Variants in STK3 observed in about 807,000 individuals in gnomAD.
STK3 encodes the protein serine/threonine-protein kinase 3.
Under a neutral mutation model 58.0 loss-of-function variants are expected in STK3, and 41 were observed. The observed-to-expected ratio is 0.71, with a 90% CI of 0.55 to 0.92. The LOEUF (loss-of-function observed/expected upper bound fraction) is 0.92. STK3 is among the 40% of genes least tolerant of loss of function. The pLI is 0.00. For synonymous variants in STK3, 170 were observed against 191.0 expected (o/e 0.89, Z 0.91); for missense variants, 479 against 602.7 (o/e 0.79, Z 2.15).
chr8:98,615,119 C>T (rs1337453623), intron 6 of STK3, among the ~76,000 whole-genome samples: 2 of 151,738 alleles, frequency 1.3e-5, no homozygotes, highest in African/African-American at 4.8e-5. Context: ...GATCTGAGAA[C>T]GGGCAGACTA....
chr8:98,528,168 C>G (rs1563704825), intron 9 of STK3, among the ~76,000 whole-genome samples: 1 of 152,134 alleles, frequency 6.6e-6, no homozygotes, highest in Admixed American at 6.5e-5. Context: ...TAGCAGCCTC[C>G]AAACTAGTCT....
intron 10 of STK3, among the ~76,000 whole-genome samples, chr8:98,475,355 A>G (rs1821227906): frequency 6.6e-6 from 1 of 152,200 alleles, no homozygotes; most frequent in African/African-American, 2.4e-5. Flanking sequence ...TAGAACATCC[A>G]TTGTTATACA....
At chr8:98,904,854 G>A (rs1293091727) in intron 1 of STK3, 1 of 673,138 alleles carries the variant, frequency 1.5e-6, no homozygotes, top group Non-Finnish European at 2.8e-6. Flanking sequence ...TCTGTCTTAG[G>A]GATTAGCAGA....
chr8:98,474,286 C>T (rs1023988563), intron 10 of STK3, among the ~76,000 whole-genome samples: 1 of 152,180 alleles, frequency 6.6e-6, no homozygotes, highest in Non-Finnish European at 1.5e-5. Context: ...CTCCATACAG[C>T]AGCCAGAATT....
At chr8:98,819,707 T>TTA (rs1172288541) in intron 1 of STK3, among the ~76,000 whole-genome samples, 1 of 152,202 alleles carries the variant, frequency 6.6e-6, no homozygotes, top group Admixed American at 6.5e-5. Context: ...TTTTAAGAGT[T>TTA]CTTAGAGTTC....
At chr8:98,743,497 T>G (rs1329891298) in intron 4 of STK3, among the ~76,000 whole-genome samples, 1 of 152,182 alleles carries the variant, frequency 6.6e-6, no homozygotes, top group Non-Finnish European at 1.5e-5. Context: ...GGATTCCCTA[T>G]TTAATAAATG....
intron 6 of STK3, among the ~76,000 whole-genome samples, chr8:98,677,029 T>C (rs1173651398): frequency 6.6e-6 from 1 of 152,220 alleles, no homozygotes; most frequent in African/African-American, 2.4e-5. Context: ...TGCTTGATAC[T>C]GCTTCTGCAT....
chr8:98,839,869 T>TA (rs1010177668), intron 3 of STK3, among the ~76,000 whole-genome samples: 1 of 151,728 alleles, frequency 6.6e-6, no homozygotes, highest in Non-Finnish European at 1.5e-5. Flanking sequence ...AACTCAAAAG[T>TA]AAAAAAAATA....
At chr8:98,493,328 T>TA (rs971777285) in intron 10 of STK3, among the ~76,000 whole-genome samples, 2 of 152,086 alleles carry the variant, frequency 1.3e-5, no homozygotes, top group African/African-American at 4.8e-5. Flanking sequence ...CTTTAACTAT[T>TA]ATATCTCTTC....
At chr8:98,561,863 C>T (rs1337850587) in intron 8 of STK3, among the ~76,000 whole-genome samples, 2 of 152,018 alleles carry the variant, frequency 1.3e-5, no homozygotes, top group African/African-American at 4.8e-5. Context: ...AAATATTGAA[C>T]ATACACTTTG....
intron 3 of STK3, among the ~76,000 whole-genome samples, chr8:98,844,973 A>G (rs556881701): frequency 6.6e-6 from 1 of 152,334 alleles, no homozygotes; most frequent in East Asian, 1.9e-4. Context: ...AAAAACTGAC[A>G]ATGGTTGGAG....
chr8:98,916,018 T>C (rs900553081), intron 1 of STK3, among the ~76,000 whole-genome samples: 4 of 152,060 alleles, frequency 2.6e-5, no homozygotes, highest in African/African-American at 9.7e-5. Flanking sequence ...CTTTATTCAC[T>C]GTCTCAAATG....
At chr8:98,486,311 G>A (rs534787989) in intron 10 of STK3, among the ~76,000 whole-genome samples, 3 of 152,264 alleles carry the variant, frequency 2.0e-5, no homozygotes, top group African/African-American at 7.2e-5. Flanking sequence ...AGAATAAAAC[G>A]TAGCCCCAAT....
Position 98,862,645 on chromosome 8 carries a change from T to G in STK3, c.110+21002A>C, listed in dbSNP as rs140810407. Reference sequence around the variant, plus strand: ...CATTGGAACTCTCAAATATCACCAGTCACAGTCAATGCAATTTCAAGCTCA... The same window carrying G: ...CATTGGAACTCTCAAATATCACCAGGCACAGTCAATGCAATTTCAAGCTCA... On this transcript the variant is annotated intron_variant, in intron 3 of 12. Transcript: ENST00000523601. Among the ~76,000 whole-genome samples, 1,060 of 152,304 alleles carry G rather than the reference T, an allele frequency of 7.0e-3. 9 individuals are homozygous for G. Among genetic ancestry groups the G allele is most frequent in the African/African-American group, 0.024 (994 of 41,556 alleles).
intron 6 of STK3, chr8:98,597,638 T>G (rs1815943656): frequency 5.1e-6 from 5 of 985,416 alleles, no homozygotes; most frequent in Non-Finnish European, 6.0e-6. Flanking sequence ...ATGAATCTGC[T>G]GTAATTAGAC....
chr8:98,436,276 A>G (rs1009921173), intron 2 of STK3, among the ~76,000 whole-genome samples: 6 of 151,998 alleles, frequency 3.9e-5, no homozygotes, highest in Non-Finnish European at 7.4e-5. Context: ...CAATGTCCAT[A>G]GGAGCCTGCC....
intron 9 of STK3, among the ~76,000 whole-genome samples, chr8:98,544,417 T>C (rs1810528476): frequency 6.6e-6 from 1 of 152,176 alleles, no homozygotes; most frequent in African/African-American, 2.4e-5. Flanking sequence ...AATTTATCTC[T>C]AGGATAAATA....
At chr8:98,403,560 G>A (rs1398855511) in intron 3 of STK3, among the ~76,000 whole-genome samples, 1 of 152,156 alleles carries the variant, frequency 6.6e-6, no homozygotes, top group East Asian at 1.9e-4. Context: ...CTAACCCCAG[G>A]GCAAAGGAGC....
At chr8:98,764,542 T>A (rs1001520729) in intron 3 of STK3, among the ~76,000 whole-genome samples, 1 of 152,246 alleles carries the variant, frequency 6.6e-6, no homozygotes, top group Non-Finnish European at 1.5e-5. Context: ...TTCTCAGCCT[T>A]GCTAAAAGAC....
Sources: allele counts gnomAD v4.1 joint callset (sites outside exome capture counted in the v4.1 genomes callset), GRCh38; gene constraint gnomAD v4.1.1; transcripts MANE v1.5; gene names NCBI Gene and HGNC (gene_info 2026-07-23, HGNC 2026-07-21).